The following ANO7 variants were observed in gnomAD, a reference collection of about 807,000 sequenced individuals.
The protein encoded by ANO7 is anoctamin 7.
Under a neutral mutation model 115.8 loss-of-function variants are expected in ANO7, and 114 were observed. The ratio of observed to expected loss-of-function variants is 0.98; its 90% CI spans 0.85 to 1.15. The LOEUF (loss-of-function observed/expected upper bound fraction) is 1.15. ANO7 is among the 50% of genes most tolerant of loss of function. The pLI is 0.00. For missense variants in ANO7, 1,302 were observed against 1,201.2 expected, an observed-to-expected ratio of 1.08 and a Z score of -1.24; for synonymous variants, 550 against 498.2, an observed-to-expected ratio of 1.10 and a Z score of -1.38.
Position 241,203,303 on chromosome 2 carries a change from G to A in ANO7, c.724-30G>A, listed in dbSNP as rs2068512156. ...GTGCCCAGTGGGGTCAGCTGGGGGA[G>A]CCTCCCACCCACAGGCCGCTCGCCC... is the stretch of plus-strand genomic sequence containing the variant. On this transcript the variant is annotated intron_variant, in intron 8 of 24. Transcript: ENST00000674324. This position sits in a 1 kb window ranked among gnomAD's most constrained non-coding sequence, Gnocchi z 4.8. 1 of 1,486,410 alleles carries A rather than the reference G, an allele frequency of 6.7e-7. No individual in the cohort carries two copies. The highest frequency in any genetic ancestry group is 1.4e-5 in the South Asian group (1 of 72,640). The allele number at this position is 1,486,410 out of a possible 1,614,324, so 92.1% of individuals were successfully genotyped here. A position where few individuals can be genotyped will look rare whatever the true frequency, so the allele number is the denominator to read the frequency against.
intron 17 of ANO7, among the ~76,000 whole-genome samples, chr2:241,214,430 G>A (rs2068777860): frequency 6.6e-6 from 1 of 152,214 alleles, no homozygotes; most frequent in South Asian, 2.1e-4. Flanking sequence ...GTGTTCCCAG[G>A]AACTCCACCT....
chr2:241,205,533 C>A (rs2068572447), intron 10 of ANO7, among the ~76,000 whole-genome samples: 1 of 137,550 alleles, frequency 7.3e-6, no homozygotes, highest in Non-Finnish European at 1.6e-5. Flanking sequence ...CAGGAGTGCT[C>A]CAAGGCTGAC....
chr2:241,200,916 C>T (rs895097833), intron 6 of ANO7, among the ~76,000 whole-genome samples: 10 of 152,226 alleles, frequency 6.6e-5, no homozygotes, highest in Admixed American at 4.6e-4. Flanking sequence ...GGCCCCATGA[C>T]GGAGCTTCAG....
At chr2:241,219,181 A>T (rs1415874000) in intron 21 of ANO7, among the ~76,000 whole-genome samples, 1 of 152,222 alleles carries the variant, frequency 6.6e-6, no homozygotes, top group Non-Finnish European at 1.5e-5. Context: ...TTCCTTTGTG[A>T]TCTGGTTACA....
At position 241,204,894 on chromosome 2, in the gene ANO7, G is replaced by A; in HGVS notation, c.919G>A (p.Ala307Thr). The change falls in exon 10 of 25, where the codon GCA becomes ACA. Residue 307 changes from alanine to threonine, a missense_variant. Transcript: ENST00000674324. The stretch of plus-strand genomic sequence containing the variant: ...TTACACAGGCTGGCTCCTGCCAGCG[G>A]CAGTGGTGGGCACACTGGTGTTCCT... ...GFYTGWLLPA[A>T]VVGTLVFLVG... 1.9e-6 allele frequency: 3 copies of A among 1,613,924 alleles called. No homozygotes were observed. Among genetic ancestry groups the A allele is most frequent in the Non-Finnish European group, 2.5e-6 (3 of 1,179,950 alleles).
In ANO7 at chr2:241,224,975, A is replaced by C. The variant is rs1329889402; in HGVS notation, c.*822A>C. Reference sequence around the variant, plus strand: ...ATGGGGGAGGTTTTGGGATGAGAGGAGGAAACGTGTATACCTGTAACATCT... The same window carrying C: ...ATGGGGGAGGTTTTGGGATGAGAGGCGGAAACGTGTATACCTGTAACATCT... On this transcript the variant is annotated 3_prime_UTR_variant, in exon 25 of 25. Transcript: ENST00000674324. 6.6e-6 allele frequency: 1 copy of C among 152,200 alleles called. No individual in the cohort carries two copies. The highest frequency in any genetic ancestry group is 1.5e-5 in the Non-Finnish European group (1 of 68,064). 9.4% of individuals were successfully genotyped at this position (152,200 alleles called of 1,614,324 possible).
At chr2:241,234,725 A>G in the ANO7 span, among the ~76,000 whole-genome samples, 1 of 152,168 alleles carries the variant, frequency 6.6e-6, no homozygotes, top group Non-Finnish European at 1.5e-5. Context: ...CCTGCTTACC[A>G]GGAAGTCATT....
In ANO7 at chr2:241,215,055, C is replaced by T. The variant is rs10189308; in HGVS notation, c.1826+153C>T. 6.7e-3 allele frequency among the ~76,000 whole-genome samples: 1,017 copies of T among 152,340 alleles called. 11 individuals are homozygous for T. Among genetic ancestry groups the T allele is most frequent in the African/African-American group, 0.023 (956 of 41,572 alleles). On this transcript the variant is annotated intron_variant, in intron 18 of 24. Coordinates refer to ENST00000674324, the MANE Select transcript of ANO7 (RefSeq NM_001370694.2). Reference sequence around the variant, plus strand: ...GGGGAGGGGGAGTGTGCCCGGCCGTCTGCCCCGGGCTCTGGGCTGCCCGCC... The same window carrying T: ...GGGGAGGGGGAGTGTGCCCGGCCGTTTGCCCCGGGCTCTGGGCTGCCCGCC...
chr2:241,223,608 G>A (rs2069079226), intron 22 of ANO7, 54 bp from the exon 23 acceptor site: 37 of 1,594,092 alleles, frequency 2.3e-5, no homozygotes, highest in Non-Finnish European at 2.9e-5. Flanking sequence ...GCCTGGCCCT[G>A]TGAAGGCCAC....
At chr2:241,231,657 C>G in the ANO7 span, among the ~76,000 whole-genome samples, 1 of 152,088 alleles carries the variant, frequency 6.6e-6, no homozygotes, top group Non-Finnish European at 1.5e-5. Flanking sequence ...GGCTGGCTGG[C>G]ATTCCTCAGC....
At position 241,209,341 on chromosome 2, in the gene ANO7, G is replaced by A. The variant is rs532776226; in HGVS notation, c.1134G>A (p.Leu378=). The A allele has an allele frequency of 6.8e-5, 108 of 1,577,032 alleles. No homozygotes were observed. Among genetic ancestry groups the A allele is most frequent in the Non-Finnish European group, 9.2e-5 (107 of 1,161,984 alleles). The stretch of plus-strand genomic sequence containing the variant: ...TGTTCTTCAGCTTGTTCATGGCACT[G>A]TGGGCCGTGCTGCTGCTGGAGTACT... ...GTVFFSLFMA[L]WAVLLLEYWK... is the part of the protein sequence containing the mutation. Residue 378 remains leucine (L), a synonymous_variant, in exon 12 of 25, where the codon CTG becomes CTA. Transcript: ENST00000674324.
the ANO7 span, chr2:241,235,276 C>T: frequency 4.3e-6 from 7 of 1,614,080 alleles, no homozygotes; most frequent in Non-Finnish European, 5.9e-6. Flanking sequence ...AGGGGGCTGA[C>T]TTGACGTTCA....
Position 241,198,878 on chromosome 2 carries a change from G to A in ANO7, c.310-438G>A, listed in dbSNP as rs569487794. ...CCTATATGTACACACACATACACACGGAAACATGTCCGTGCACAGCATGCA... is the reference window on the plus strand; with the variant it reads ...CCTATATGTACACACACATACACACAGAAACATGTCCGTGCACAGCATGCA... On this transcript the variant is annotated intron_variant, in intron 4 of 24. Transcript: ENST00000674324. Among the ~76,000 whole-genome samples, 287 of 152,316 alleles carry A rather than the reference G, an allele frequency of 1.9e-3. 1 individual carries two copies. The highest frequency in any genetic ancestry group is 6.4e-3 in the African/African-American group (267 of 41,574).
Position 241,223,229 on chromosome 2 carries a change from T to C in ANO7, c.2365T>C (p.Tyr789His). Residue 789 changes from tyrosine to histidine, a missense_variant, in exon 22 of 25, where the codon TAC becomes CAC. Tyr to His is a moderately conservative substitution (Grantham distance 83). Transcript: ENST00000674324. ...RDDDGHYSQT[Y>H]WNLLAIRLAF... is the part of the protein sequence containing the mutation. ...TGACGATGGACATTATTCCCAGACC[T>C]ACTGGAATCTTCTTGCCATCCGCCT... The C allele has an allele frequency of 2.5e-6, 4 of 1,614,222 alleles. No individual in the cohort carries two copies. Among genetic ancestry groups the C allele is most frequent in the Non-Finnish European group, 3.4e-6 (4 of 1,180,024 alleles).
intron 19 of ANO7, among the ~76,000 whole-genome samples, chr2:241,216,473 G>C (rs2068830990): frequency 6.6e-6 from 1 of 152,254 alleles, no homozygotes; most frequent in African/African-American, 2.4e-5. Context: ...GGCACGGGGA[G>C]GAGGCCCCCG....
Position 241,209,494 on chromosome 2 carries a change from C to G in ANO7, c.1222-4C>G, listed in dbSNP as rs944297006. The G allele has an allele frequency of 6.3e-7, 1 of 1,595,592 alleles. No homozygotes were observed. Among genetic ancestry groups the G allele is most frequent in the African/African-American group, 1.3e-5 (1 of 74,752 alleles). ...GCCGCCACTGAGCACCGGCTCCCTT[C>G]CAGGAGAGGCCTCGGCCCCAGTTTG... On this transcript the variant is annotated splice_polypyrimidine_tract_variant and splice_region_variant and intron_variant, in intron 12 of 24. Transcript: ENST00000674324.
At chr2:241,222,029 T>C (rs1175721790) in intron 21 of ANO7, among the ~76,000 whole-genome samples, 3 of 151,832 alleles carry the variant, frequency 2.0e-5, no homozygotes, top group Non-Finnish European at 2.9e-5. Flanking sequence ...AGTCAGAAGA[T>C]TGAGACCATC....
rs1240899050 is a variant in ANO7, at chr2:241,210,471, T to C, written c.1462T>C (p.Ser488Pro). 1 of 1,614,038 alleles carries C rather than the reference T, an allele frequency of 6.2e-7. No homozygotes were observed. The highest frequency in any genetic ancestry group is 8.5e-7 in the Non-Finnish European group (1 of 1,179,980). Residue 488 changes from serine (S) to proline (P), a missense_variant, in exon 15 of 25, where the codon TCT (serine) becomes CCT (proline). Ser to Pro is a moderately conservative substitution (Grantham distance 74, BLOSUM62 -1). Coordinates refer to ENST00000674324, the MANE Select transcript of ANO7 (RefSeq NM_001370694.2). ...SGNTLLAAWA[S>P]RIASLTGSVV... ...CTGACGGCCTGTCTCCCGTTAGGCC[T>C]CTCGCATCGCCAGCCTCACGGGGTC...
chr2:241,211,999 C>A, intron 15 of ANO7, 95 bp from the exon 16 acceptor site: 1 of 840,340 alleles, frequency 1.2e-6, no homozygotes. Flanking sequence ...GCCTTTTCCT[C>A]ACCCGTGTGT....
Sources: gnomAD v4.1 joint callset for allele counts (sites outside exome capture counted in the v4.1 genomes callset) on GRCh38, gnomAD v4.1.1 for gene constraint, Gnocchi (gnomAD v3.1) non-coding constraint, MANE v1.5 for transcripts, NCBI Gene and HGNC (gene_info 2026-07-23, HGNC 2026-07-21) for gene names.